The following TATDN3 variants were observed in gnomAD, a reference collection of about 807,000 sequenced individuals.
TATDN3 encodes the protein TatD DNase domain containing 3.
TATDN3 carries 29 observed loss-of-function variants against 40.1 expected under a neutral mutation model. That is an observed-to-expected ratio of 0.72 (90% CI 0.54 to 0.99). TATDN3 has a LOEUF of 0.99. TATDN3 is among the 50% of genes least tolerant of loss of function. TATDN3 has a pLI of 0.00. For synonymous variants in TATDN3, 105 were observed against 117.0 expected, an observed-to-expected ratio of 0.90 and a Z score of 0.66; for missense variants, 309 against 321.9, an observed-to-expected ratio of 0.96 and a Z score of 0.31.
At position 212,816,822 on chromosome 1, in the gene TATDN3, C is replaced by T. The variant is rs1308322122; in HGVS notation, c.*1666C>T. Among the ~76,000 whole-genome samples, 1 of 152,162 alleles carries T rather than the reference C, an allele frequency of 6.6e-6. No homozygotes were observed. Among genetic ancestry groups the T allele is most frequent in the Non-Finnish European group, 1.5e-5 (1 of 68,026 alleles). On this transcript the variant is annotated 3_prime_UTR_variant, in exon 10 of 10. Coordinates refer to ENST00000366974, the MANE Select transcript of TATDN3 (RefSeq NM_001042552.3). Reference sequence around the variant, plus strand: ...TATATTAAAACTGGACTTTTAAGCTCTCTTCCAACTCTGTATTTCTTTTCC... The same window carrying T: ...TATATTAAAACTGGACTTTTAAGCTTTCTTCCAACTCTGTATTTCTTTTCC...
chr1:212,808,993 A>G (rs539681380), intron 8 of TATDN3, among the ~76,000 whole-genome samples: 11 of 152,398 alleles, frequency 7.2e-5, no homozygotes, highest in African/African-American at 2.6e-4. Context: ...CTATATCCAT[A>G]TAATGGAATA....
chr1:212,808,002 A>T (rs757875291), intron 8 of TATDN3, among the ~76,000 whole-genome samples, 154 bp downstream of exon 8: 1 of 152,088 alleles, frequency 6.6e-6, no homozygotes, highest in African/African-American at 2.4e-5. Context: ...TCAGAAATTG[A>T]TCAAAGACTT....
intron 8 of TATDN3, among the ~76,000 whole-genome samples, chr1:212,809,854 T>A (rs1227599026): frequency 6.6e-6 from 1 of 151,738 alleles, no homozygotes; most frequent in Non-Finnish European, 1.5e-5. Context: ...TGAGACCCCT[T>A]CTCTACTAAA....
chr1:212,811,767 A>G (rs1442219141), intron 8 of TATDN3, among the ~76,000 whole-genome samples: 1 of 151,310 alleles, frequency 6.6e-6, no homozygotes, highest in Non-Finnish European at 1.5e-5. Context: ...CAGTGGGGTG[A>G]TCTCGGCTCA....
At chr1:212,808,510 A>C (rs958429734) in intron 8 of TATDN3, among the ~76,000 whole-genome samples, 1 of 152,158 alleles carries the variant, frequency 6.6e-6, no homozygotes, top group Non-Finnish European at 1.5e-5. Flanking sequence ...GCACATTATC[A>C]AAAAAGTGAA....
In TATDN3 at chr1:212,815,000, T is replaced by C. The variant is rs1663108038; in HGVS notation, c.682-13T>C. The C allele has an allele frequency of 6.2e-7, 1 of 1,609,750 alleles. No homozygotes were observed. Among genetic ancestry groups the C allele is most frequent in the African/African-American group, 1.3e-5 (1 of 74,850 alleles). ...GTGTCATGTTTGACATGGTGTCTGC[T>C]GTCTTGTTTCAGGTACGGAATGAGC... On this transcript the variant is annotated splice_polypyrimidine_tract_variant and intron_variant, in intron 9 of 9. Coordinates refer to ENST00000366974, the MANE Select transcript of TATDN3 (RefSeq NM_001042552.3).
intron 1 of TATDN3, among the ~76,000 whole-genome samples, chr1:212,794,205 C>T (rs549856691): frequency 4.0e-4 from 61 of 151,034 alleles, no homozygotes; most frequent in Non-Finnish European, 6.2e-4. Flanking sequence ...GGTGTGAACC[C>T]GGGAGGCGGA....
At chr1:212,794,540 G>A (rs749557562) in intron 1 of TATDN3, 26 of 314,312 alleles carry the variant, frequency 8.3e-5, no homozygotes, top group Non-Finnish European at 1.5e-4. Context: ...GCAATGAGCC[G>A]AGATCGCACC....
At chr1:212,813,427 T>C (rs1341092428) in intron 9 of TATDN3, among the ~76,000 whole-genome samples, 1 of 152,326 alleles carries the variant, frequency 6.6e-6, no homozygotes, top group Middle Eastern at 3.4e-3. Flanking sequence ...ATTCAGAGAA[T>C]TGGCACTCAA....
chr1:212,793,363 C>T (rs776659069), intron 1 of TATDN3, among the ~76,000 whole-genome samples: 3 of 152,036 alleles, frequency 2.0e-5, no homozygotes, highest in African/African-American at 4.8e-5. Flanking sequence ...CAGGTGTGTC[C>T]CACCACGCCT....
chr1:212,807,495 T>C (rs111778519), intron 7 of TATDN3, among the ~76,000 whole-genome samples: 3,462 of 152,210 alleles, frequency 0.023, 63 homozygotes, highest in South Asian at 0.041. Context: ...TCAAGTGATC[T>C]GCCTGCCTTG....
intron 7 of TATDN3, among the ~76,000 whole-genome samples, chr1:212,806,611 G>A (rs1325087158): frequency 6.7e-6 from 1 of 149,120 alleles, no homozygotes; most frequent in African/African-American, 2.5e-5. Flanking sequence ...TCCTGAGCTC[G>A]CTCAAGAGAT....
Position 212,816,033 on chromosome 1 carries a change from CATT to C in TATDN3, c.*881_*883del, listed in dbSNP as rs1475405192. 6.6e-6 allele frequency: 1 copy of C among 152,174 alleles called. No individual in the cohort carries two copies. The highest frequency in any genetic ancestry group is 1.5e-5 in the Non-Finnish European group (1 of 68,028). 9.4% of individuals were successfully genotyped at this position (152,174 alleles called of 1,614,324 possible). A position where few individuals can be genotyped will look rare whatever the true frequency, so the allele number is the denominator to read the frequency against. ...TTATGAGGCCAGTGGTTTAAACAAT[CATT>C]ATTGAATACCAAGCCCAAAAGTTTA... On this transcript the variant is annotated 3_prime_UTR_variant, in exon 10 of 10. Coordinates refer to ENST00000366974, the MANE Select transcript of TATDN3 (RefSeq NM_001042552.3).
intron 5 of TATDN3, 121 bp downstream of exon 5, chr1:212,802,884 T>C: frequency 1.6e-6 from 1 of 622,096 alleles, no homozygotes; most frequent in Non-Finnish European, 2.8e-6. Context: ...TCACCCCACT[T>C]AGCCAAATAA....
intron 4 of TATDN3, 94 bp from the exon 5 acceptor site, chr1:212,802,607 G>T (rs916887643): frequency 1.2e-6 from 1 of 819,708 alleles, no homozygotes; most frequent in African/African-American, 1.7e-5. Context: ...TGTATGTAAA[G>T]CACCAGGATG....
intron 1 of TATDN3, among the ~76,000 whole-genome samples, chr1:212,793,811 T>C (rs908891252): frequency 1.3e-4 from 19 of 151,970 alleles, no homozygotes; most frequent in African/African-American, 4.4e-4. Context: ...TTTACTGAGA[T>C]AAGGGAAGAC....
At chr1:212,806,783 T>TATATATACACAC (rs796710955) in intron 7 of TATDN3, among the ~76,000 whole-genome samples, 3 of 79,522 alleles carry the variant, frequency 3.8e-5, no homozygotes, top group Admixed American at 1.8e-4. Flanking sequence ...TATATATATA[T>TATATATACACAC]ACACACACAC....
rs1252260253 is a variant in TATDN3 at position 212,814,655 on chromosome 1, G to A, written c.682-358G>A. Among the ~76,000 whole-genome samples, 6 of 152,268 alleles carry A rather than the reference G, an allele frequency of 3.9e-5. 1 individual carries two copies. In the South Asian group the frequency reaches 1.0e-3, roughly 26 times the overall value. On this transcript the variant is annotated intron_variant, in intron 9 of 9. Coordinates refer to ENST00000366974, the MANE Select transcript of TATDN3 (RefSeq NM_001042552.3). The stretch of plus-strand genomic sequence containing the variant: ...CTGTCATGTAGCCTGTGAGGTAGGC[G>A]GCCAAGCAGCAGAGCAGTGACCTTT...
chr1:212,808,685 C>T (rs1158826425), intron 8 of TATDN3, among the ~76,000 whole-genome samples: 1 of 152,086 alleles, frequency 6.6e-6, no homozygotes, highest in Non-Finnish European at 1.5e-5. Context: ...AGAAAACATA[C>T]AAATGGCCAA....
Sources: allele counts gnomAD v4.1 joint callset (sites outside exome capture counted in the v4.1 genomes callset), GRCh38; gene constraint gnomAD v4.1.1; transcripts MANE v1.5; gene names NCBI Gene and HGNC (gene_info 2026-07-23, HGNC 2026-07-21).